HERC2: variants seen among roughly 807,000 people sequenced by gnomAD.
HERC2 encodes the protein HECT and RLD domain containing E3 ubiquitin protein ligase 2, also known as E3 ubiquitin-protein ligase HERC2.
A neutral mutation model predicts 537.7 loss-of-function variants in HERC2; 102 were observed. That is an observed-to-expected ratio of 0.19 (90% CI 0.16 to 0.22). The LOEUF is 0.22. HERC2 is among the 10% of genes least tolerant of loss of function. The pLI, the probability that HERC2 is intolerant of heterozygous loss-of-function variation, is 1.00. For synonymous variants in HERC2, 2,224 were observed against 2,466.2 expected (o/e 0.90, Z 2.91); for missense variants, 4,236 against 6,198.2 (o/e 0.68, Z 10.63).
chr15:28,294,802 T>C (rs1358117484), intron 3 of HERC2, among the ~76,000 whole-genome samples: 2 of 152,028 alleles, frequency 1.3e-5, no homozygotes, highest in African/African-American at 2.4e-5. Context: ...GCTGTGAGCA[T>C]GCGTGACTAA....
Position 28,111,110 on chromosome 15 carries a change from G to C in HERC2, c.*653C>G, listed in dbSNP as rs1343246916. The C allele has an allele frequency of 6.6e-6, 1 of 152,232 alleles. No homozygotes were observed. The highest frequency in any genetic ancestry group is 2.4e-5 in the African/African-American group (1 of 41,416). 9.4% of individuals were successfully genotyped at this position (152,232 alleles called of 1,614,324 possible). A position where few individuals can be genotyped will look rare whatever the true frequency, so the allele number is the denominator to read the frequency against. On this transcript the variant is annotated 3_prime_UTR_variant, in exon 93 of 93. Coordinates refer to ENST00000261609, the MANE Select transcript of HERC2 (RefSeq NM_004667.6). ...ATACATGACACAAACATTATATATA[G>C]TACACTTTCCATGATAGAAGTTATG...
intron 23 of HERC2, among the ~76,000 whole-genome samples, chr15:28,240,879 C>T (rs1177215970): frequency 6.6e-6 from 1 of 152,162 alleles, no homozygotes; most frequent in African/African-American, 2.4e-5. Context: ...CCTTACGCCA[C>T]ACACAAAAAC....
At chr15:28,195,374 T>C (rs749948950) in intron 52 of HERC2, among the ~76,000 whole-genome samples, 9 of 152,020 alleles carry the variant, frequency 5.9e-5, no homozygotes, top group Non-Finnish European at 8.8e-5. Flanking sequence ...GACAGGAGAA[T>C]TGCTTGAACC....
chr15:28,175,924 G>T (rs1363157310), intron 63 of HERC2, among the ~76,000 whole-genome samples: 3 of 152,126 alleles, frequency 2.0e-5, no homozygotes, highest in Non-Finnish European at 4.4e-5. Flanking sequence ...CTGAAAATAA[G>T]ACACACTACT....
intron 67 of HERC2, among the ~76,000 whole-genome samples, chr15:28,168,159 C>T (rs1469340239): frequency 3.9e-5 from 6 of 152,152 alleles, no homozygotes; most frequent in Non-Finnish European, 8.8e-5. Context: ...ACTGTCAGAA[C>T]TTTAAGGTTT....
At chr15:28,225,007 A>G (rs1900971578) in intron 35 of HERC2, among the ~76,000 whole-genome samples, 1 of 152,268 alleles carries the variant, frequency 6.6e-6, no homozygotes. Context: ...AGGGGCAATT[A>G]TACTATGAAA....
intron 2 of HERC2, among the ~76,000 whole-genome samples, chr15:28,309,082 G>A (rs1028254346): frequency 1.4e-4 from 21 of 152,158 alleles, no homozygotes; most frequent in African/African-American, 4.6e-4. Context: ...CCTAACATAC[G>A]GTCTAACCTT....
chr15:28,115,340 C>T (rs1254159517), intron 89 of HERC2, 89 bp downstream of exon 89: 2 of 776,974 alleles, frequency 2.6e-6, no homozygotes, highest in Non-Finnish European at 4.1e-6. Context: ...TGAGATTAGG[C>T]CAGAGTTCAC....
intron 12 of HERC2, among the ~76,000 whole-genome samples, chr15:28,267,715 T>C (rs1450437633): frequency 6.6e-6 from 1 of 152,268 alleles, no homozygotes; most frequent in Non-Finnish European, 1.5e-5. Context: ...TCGGCAATGA[T>C]GCCCTCAACT....
intron 69 of HERC2, among the ~76,000 whole-genome samples, chr15:28,159,883 ATGATGG>A (rs1893399703): frequency 6.6e-6 from 1 of 152,008 alleles, no homozygotes; most frequent in Admixed American, 6.6e-5. Flanking sequence ...TTGGTCTTTG[ATGATGG>A]TGATGTACAG....
intron 83 of HERC2, among the ~76,000 whole-genome samples, chr15:28,126,733 G>C (rs1035417411): frequency 1.3e-5 from 2 of 152,154 alleles, no homozygotes; most frequent in East Asian, 3.9e-4. Context: ...GAGGAGTGAG[G>C]GATAAAAGAC....
chr15:28,151,890 A>C (rs997426982), intron 70 of HERC2, among the ~76,000 whole-genome samples: 1 of 152,148 alleles, frequency 6.6e-6, no homozygotes, highest in Non-Finnish European at 1.5e-5. Flanking sequence ...TGAACAACTA[A>C]CTACAGGATG....
chr15:28,113,561 GGGTC>G lies in HERC2; in HGVS notation c.14019+8_14019+11del, dbSNP rs1241794729. 1.9e-6 allele frequency: 3 copies of G among 1,611,082 alleles called. No individual in the cohort carries two copies. Among genetic ancestry groups the G allele is most frequent in the Non-Finnish European group, 1.7e-6 (2 of 1,177,434 alleles). On this transcript the variant is annotated splice_region_variant and intron_variant, in intron 91 of 92. Coordinates refer to ENST00000261609, the MANE Select transcript of HERC2 (RefSeq NM_004667.6). The surrounding 1 kb of genome is among the most constrained non-coding windows in gnomAD (Gnocchi z 7.0). ...GCAGCTGCAGGGCAGCCCCACCTGG[GGGTC>G]GGCATACCATCGTCTCCAGTTCGTA...
chr15:28,309,325 T>C (rs1209892991), intron 2 of HERC2, among the ~76,000 whole-genome samples: 6 of 152,232 alleles, frequency 3.9e-5, no homozygotes, highest in African/African-American at 7.2e-5. Context: ...ATTTGTTTTA[T>C]GTATCTGGGT....
intron 89 of HERC2, 167 bp downstream of exon 89, chr15:28,115,262 A>T (rs374283061): frequency 1.1e-4 from 43 of 382,404 alleles, no homozygotes; most frequent in South Asian, 2.5e-4. Flanking sequence ...TAGATGGTCT[A>T]TTTTTTTTTT....
intron 16 of HERC2, among the ~76,000 whole-genome samples, chr15:28,257,684 C>T (rs1252666837): frequency 6.6e-6 from 1 of 151,964 alleles, no homozygotes; most frequent in South Asian, 2.1e-4. Flanking sequence ...CGGTGGAACA[C>T]TATGAATAAA....
intron 7 of HERC2, among the ~76,000 whole-genome samples, chr15:28,273,621 G>T (rs1211596698): frequency 2.0e-5 from 3 of 152,180 alleles, no homozygotes; most frequent in Non-Finnish European, 2.9e-5. Context: ...GCCTTCACCA[G>T]CCGGCTCAGG....
rs1417635146 is a variant in HERC2, at chr15:28,289,420, T to G, written c.322+3468A>C. 3.3e-5 allele frequency among the ~76,000 whole-genome samples: 5 copies of G among 152,058 alleles called. No individual in the cohort carries two copies. In the East Asian group the frequency reaches 9.6e-4, roughly 29 times the overall value. ...GCACCTTATAACATTCTCAAATACA[T>G]GAAGCAAAACCTGCAGAGCTGAGAG... On this transcript the variant is annotated intron_variant, in intron 4 of 92. Transcript: ENST00000261609.
At chr15:28,210,747 AC>A (rs1262978441) in intron 44 of HERC2, among the ~76,000 whole-genome samples, 1 of 151,956 alleles carries the variant, frequency 6.6e-6, no homozygotes, top group African/African-American at 2.4e-5. Context: ...AATCTTGCTG[AC>A]CCATGCAGCA....
Sources: allele counts gnomAD v4.1 joint callset (sites outside exome capture counted in the v4.1 genomes callset), GRCh38; gene constraint gnomAD v4.1.1; non-coding constraint Gnocchi (gnomAD v3.1); transcripts MANE v1.5; gene names NCBI Gene and HGNC (gene_info 2026-07-23, HGNC 2026-07-21).